The following TIAM1 variants were observed in gnomAD, a reference collection of about 807,000 sequenced individuals.
TIAM1 encodes TIAM Rac1 associated GEF 1.
A neutral mutation model predicts 163.5 loss-of-function variants in TIAM1; 65 were observed. The observed-to-expected ratio is 0.40, with a 90% confidence interval of 0.33 to 0.49. The LOEUF is 0.49. TIAM1 is among the 20% of genes least tolerant of loss of function. The pLI, the probability that TIAM1 is intolerant of heterozygous loss-of-function variation, is 0.77. For synonymous variants in TIAM1, 833 were observed against 810.1 expected, an observed-to-expected ratio of 1.03 and a Z score of -0.48; for missense variants, 1,789 against 2,044.7, an observed-to-expected ratio of 0.87 and a Z score of 2.41.
intron 16 of TIAM1, among the ~76,000 whole-genome samples, chr21:31,161,718 G>A (rs1196103075): frequency 6.6e-6 from 1 of 151,638 alleles, no homozygotes; most frequent in Non-Finnish European, 1.5e-5. Flanking sequence ...ATTTGTTTCT[G>A]TTTATTTAGT....
At chr21:31,372,657 A>G (rs2076615302) in intron 2 of TIAM1, among the ~76,000 whole-genome samples, 2 of 152,206 alleles carry the variant, frequency 1.3e-5, no homozygotes, top group Admixed American at 6.5e-5. Flanking sequence ...TAGAGAGGCT[A>G]TGTACCAACA....
chr21:31,263,217 T>C (rs1447153914), intron 4 of TIAM1, among the ~76,000 whole-genome samples: 1 of 152,200 alleles, frequency 6.6e-6, no homozygotes, highest in Non-Finnish European at 1.5e-5. Flanking sequence ...TTTCCATGCA[T>C]GGTATCCTAT....
Position 31,283,933 on chromosome 21 carries a change from C to G in TIAM1, c.-188-7025G>C, listed in dbSNP as rs190978323. 1.9e-3 allele frequency among the ~76,000 whole-genome samples: 283 copies of G among 152,294 alleles called. 2 individuals are homozygous for G. Among genetic ancestry groups the G allele is most frequent in the Non-Finnish European group, 3.5e-3 (241 of 68,016 alleles). On this transcript the variant is annotated intron_variant, in intron 2 of 27. Transcript: ENST00000541036. Reference sequence around the variant, plus strand: ...GTAGTTTCCATGGAATGCTAGAACACAGCTTTGGGCTCGCTCTTGGCTCCT... The same window carrying G: ...GTAGTTTCCATGGAATGCTAGAACAGAGCTTTGGGCTCGCTCTTGGCTCCT...
intron 1 of TIAM1, among the ~76,000 whole-genome samples, chr21:31,343,727 C>T (rs893747389): frequency 6.6e-6 from 1 of 152,172 alleles, no homozygotes; most frequent in African/African-American, 2.4e-5. Flanking sequence ...TGCAATTACC[C>T]AACGAGCAGC....
intron 6 of TIAM1, among the ~76,000 whole-genome samples, chr21:31,238,424 T>A (rs1262927245): frequency 6.6e-6 from 1 of 152,176 alleles, no homozygotes; most frequent in Non-Finnish European, 1.5e-5. Context: ...TTTTCAAAAC[T>A]AAGATCCTAC....
intron 1 of TIAM1, among the ~76,000 whole-genome samples, chr21:31,524,107 T>C (rs2047699253): frequency 6.6e-6 from 1 of 152,016 alleles, no homozygotes; most frequent in African/African-American, 2.4e-5. Context: ...AGGATACACT[T>C]CCAAGACTAG....
At chr21:31,156,405 G>A (rs2083624263) in intron 16 of TIAM1, among the ~76,000 whole-genome samples, 1 of 152,134 alleles carries the variant, frequency 6.6e-6, no homozygotes, top group Admixed American at 6.5e-5. Context: ...TTTTCCCTTA[G>A]GTGACTGACT....
Position 31,225,884 on chromosome 21 carries a change from C to T in TIAM1, c.1651G>A (p.Ala551Thr). 4 of 1,614,162 alleles carry T rather than the reference C, an allele frequency of 2.5e-6. No homozygotes were observed. The highest frequency in any genetic ancestry group is 2.2e-5 in the East Asian group (1 of 44,868). Residue 551 changes from alanine to threonine, a missense_variant, in exon 7 of 28, where the codon GCG (alanine) becomes ACG (threonine). Coordinates refer to ENST00000541036, the MANE Select transcript of TIAM1 (RefSeq NM_001353694.2). ...AIHSACATAV[A>T]RHHHKEDTLR... ...GTGTCTTCCTTGTGGTGGTGCCTCG[C>T]GACCGCAGTGGCGCAGGCAGAGTGG...
At position 31,509,539 on chromosome 21, in the gene TIAM1, G is replaced by A. The variant is rs576440031; in HGVS notation, c.-421-45504C>T. ...CAACACAAACACCCACACCCAGGCA[G>A]GAAGTAAAAATAACCAGCCGTTTCA... is the stretch of plus-strand genomic sequence containing the variant. On this transcript the variant is annotated intron_variant, in intron 1 of 28. Coordinates refer to the TIAM1 transcript ENST00000286827. 3.9e-5 allele frequency among the ~76,000 whole-genome samples: 6 copies of A among 152,280 alleles called. No homozygotes were observed. In the East Asian group the frequency reaches 1.2e-3, roughly 29 times the overall value.
chr21:31,250,151 GAAAAAAA>G (rs755928120), intron 5 of TIAM1, among the ~76,000 whole-genome samples: 8 of 58,874 alleles, frequency 1.4e-4, no homozygotes, highest in Admixed American at 1.9e-4. Context: ...GTCTCAAACA[GAAAAAAA>G]AAAAAAAAAA....
intron 12 of TIAM1, among the ~76,000 whole-genome samples, chr21:31,199,336 C>T (rs2086062504): frequency 6.6e-6 from 1 of 152,074 alleles, no homozygotes; most frequent in African/African-American, 2.4e-5. Flanking sequence ...GCCGACAATG[C>T]CCTTTCTCTC....
At chr21:31,271,282 TTAATC>T (rs1195776328) in intron 3 of TIAM1, among the ~76,000 whole-genome samples, 3 of 151,904 alleles carry the variant, frequency 2.0e-5, no homozygotes, top group Non-Finnish European at 2.9e-5. Flanking sequence ...CAAAGACACT[TTAATC>T]TAAGATGTGA....
At chr21:31,299,062 T>C (rs1304462136) in intron 2 of TIAM1, among the ~76,000 whole-genome samples, 1 of 152,188 alleles carries the variant, frequency 6.6e-6, no homozygotes, top group Non-Finnish European at 1.5e-5. Context: ...TTCACACTAA[T>C]GGAAACAAAA....
chr21:31,198,276 T>C (rs1488857636), intron 12 of TIAM1, among the ~76,000 whole-genome samples: 2 of 152,184 alleles, frequency 1.3e-5, no homozygotes, highest in Non-Finnish European at 2.9e-5. Flanking sequence ...GTCAGCATAA[T>C]ACTTGTGACT....
At chr21:31,269,221 A>G (rs2072936760) in intron 3 of TIAM1, among the ~76,000 whole-genome samples, 1 of 152,260 alleles carries the variant, frequency 6.6e-6, no homozygotes, top group African/African-American at 2.4e-5. Flanking sequence ...CCAACCTTCA[A>G]GAATTACCGC....
chr21:31,157,419 C>T (rs1330178370), intron 16 of TIAM1, among the ~76,000 whole-genome samples: 1 of 152,176 alleles, frequency 6.6e-6, no homozygotes, highest in Admixed American at 6.5e-5. Flanking sequence ...TACTTTTGTA[C>T]TGCATAGTTT....
At chr21:31,480,319 T>C (rs2046071092) in intron 1 of TIAM1, among the ~76,000 whole-genome samples, 1 of 152,212 alleles carries the variant, frequency 6.6e-6, no homozygotes, top group Admixed American at 6.5e-5. Context: ...GCCCACTTTG[T>C]TTATTTCTTT....
At chr21:31,409,533 A>T (rs771097519) in intron 2 of TIAM1, among the ~76,000 whole-genome samples, 7 of 152,032 alleles carry the variant, frequency 4.6e-5, no homozygotes, top group South Asian at 4.1e-4. Flanking sequence ...GTCACTCCGC[A>T]CACCGACTTC....
chr21:31,453,585 C>T (rs527909600), intron 2 of TIAM1, among the ~76,000 whole-genome samples: 5 of 151,776 alleles, frequency 3.3e-5, no homozygotes, highest in African/African-American at 9.7e-5. Flanking sequence ...CCCAGCTACT[C>T]GGGAGGCTGA....
Sources: gnomAD v4.1 joint callset for allele counts (sites outside exome capture counted in the v4.1 genomes callset) on GRCh38, gnomAD v4.1.1 for gene constraint, MANE v1.5 for transcripts, NCBI Gene and HGNC (gene_info 2026-07-23, HGNC 2026-07-21) for gene names.